UBQLN1: variants seen among roughly 807,000 people sequenced by gnomAD.
UBQLN1 encodes ubiquilin 1.
In UBQLN1, 13 loss-of-function variants were observed where a neutral mutation model predicts 65.4. The ratio of observed to expected loss-of-function variants is 0.20; its 90% CI spans 0.13 to 0.32. The LOEUF (loss-of-function observed/expected upper bound fraction) is 0.32, where lower values mean the gene tolerates loss of function less well. Ranked by LOEUF, UBQLN1 falls within the 10% of genes least tolerant of loss-of-function variation. The pLI is 1.00. For synonymous variants in UBQLN1, 267 were observed against 247.8 expected (o/e 1.08, Z -0.73); for missense variants, 561 against 724.0 (o/e 0.77, Z 2.58).
intron 8 of UBQLN1, 58 bp from the exon 9 acceptor site, chr9:83,665,203 T>G: frequency 2.3e-6 from 3 of 1,303,448 alleles, no homozygotes; most frequent in Non-Finnish European, 3.3e-6. Context: ...AACGTAAATT[T>G]TTAAATCTTT....
Position 83,666,431 on chromosome 9 carries a change from C to A in UBQLN1, c.1251G>T (p.Met417Ile). The A allele has an allele frequency of 6.2e-7, 1 of 1,613,640 alleles. No homozygotes were observed. The highest frequency in any genetic ancestry group is 8.5e-7 in the Non-Finnish European group (1 of 1,179,670). ...LSQNPDLAAQ[M>I]MLNNPLFAGN... ...CAGCAAATAGGGGATTATTCAGCAT[C>A]ATCTATGGGGCAAGTGTTCAAACAA... The change falls in exon 8 of 11, where the codon ATG (methionine) becomes ATT (isoleucine). Residue 417 changes from methionine (M) to isoleucine (I), a missense_variant and splice_region_variant. Met to Ile is a conservative substitution (Grantham distance 10). Coordinates refer to ENST00000376395, the MANE Select transcript of UBQLN1 (RefSeq NM_013438.5).
rs1243468461 is a variant in UBQLN1, at chr9:83,660,121, C to T, written c.*1666G>A. On this transcript the variant is annotated 3_prime_UTR_variant, in exon 11 of 11. Coordinates refer to ENST00000376395, the MANE Select transcript of UBQLN1 (RefSeq NM_013438.5). ...GAAAGAGCAAAGACACATGAATACC[C>T]TTCTTAACAATCTCTTCTACTTATG... is the stretch of plus-strand genomic sequence containing the variant. 6.6e-6 allele frequency: 1 copy of T among 152,314 alleles called. No homozygotes were observed. Among genetic ancestry groups the T allele is most frequent in the Non-Finnish European group, 1.5e-5 (1 of 68,026 alleles). The allele number at this position is 152,314 out of a possible 1,614,324, so 9.4% of individuals were successfully genotyped here.
At chr9:83,693,567 TAAGAG>T (rs1342654530) in intron 1 of UBQLN1, among the ~76,000 whole-genome samples, 1 of 152,134 alleles carries the variant, frequency 6.6e-6, no homozygotes, top group Non-Finnish European at 1.5e-5. Context: ...AGCAAATAAT[TAAGAG>T]AAGTTAGAAA....
At chr9:83,681,924 T>C (rs532581281) in intron 3 of UBQLN1, among the ~76,000 whole-genome samples, 118 of 152,322 alleles carry the variant, frequency 7.7e-4, no homozygotes, top group African/African-American at 2.8e-3. Flanking sequence ...TCTGAGGGAC[T>C]ATATGGATGG....
At chr9:83,700,391 C>T (rs1835377454) in intron 1 of UBQLN1, among the ~76,000 whole-genome samples, 1 of 152,140 alleles carries the variant, frequency 6.6e-6, no homozygotes, top group Non-Finnish European at 1.5e-5. Flanking sequence ...GTAGTTATTA[C>T]TGAATATGTA....
At chr9:83,676,241 T>A (rs1831830217) in intron 6 of UBQLN1, among the ~76,000 whole-genome samples, 1 of 152,254 alleles carries the variant, frequency 6.6e-6, no homozygotes, top group Non-Finnish European at 1.5e-5. Flanking sequence ...CAGAGTAAGT[T>A]CATTCTTGCT....
At chr9:83,673,700 G>T (rs1472264751) in intron 6 of UBQLN1, among the ~76,000 whole-genome samples, 2 of 151,908 alleles carry the variant, frequency 1.3e-5, no homozygotes, top group African/African-American at 4.8e-5. Context: ...CATTTTATTG[G>T]AACAGTCATT....
intron 9 of UBQLN1, 131 bp downstream of exon 9, chr9:83,664,899 G>A (rs10868037): frequency 0.25 from 150,544 of 603,078 alleles, 25,641 homozygotes; most frequent in East Asian, 0.79. Flanking sequence ...TAGCCTAGGC[G>A]AAGGGCGAGA....
At chr9:83,702,858 C>T (rs1187083795) in intron 1 of UBQLN1, among the ~76,000 whole-genome samples, 2 of 152,116 alleles carry the variant, frequency 1.3e-5, no homozygotes, top group Admixed American at 6.5e-5. Context: ...TGACTCAATA[C>T]GTTTAAATTA....
chr9:83,696,893 C>A (rs965514132), intron 1 of UBQLN1, among the ~76,000 whole-genome samples: 4 of 152,162 alleles, frequency 2.6e-5, no homozygotes, highest in African/African-American at 9.7e-5. Context: ...AATCAATGAT[C>A]TGACATAGAC....
intron 6 of UBQLN1, among the ~76,000 whole-genome samples, chr9:83,673,048 G>A (rs1283621771): frequency 6.6e-6 from 1 of 152,182 alleles, no homozygotes; most frequent in Non-Finnish European, 1.5e-5. Context: ...TGGCCAACAT[G>A]GCGAAACCCC....
intron 1 of UBQLN1, among the ~76,000 whole-genome samples, chr9:83,690,598 G>C (rs1347346096): frequency 6.6e-6 from 1 of 152,126 alleles, no homozygotes; most frequent in Non-Finnish European, 1.5e-5. Flanking sequence ...GCTGGGCGTG[G>C]TGGTTCATGA....
At chr9:83,681,928 T>C (rs1336566415) in intron 3 of UBQLN1, among the ~76,000 whole-genome samples, 2 of 152,198 alleles carry the variant, frequency 1.3e-5, no homozygotes, top group Non-Finnish European at 2.9e-5. Context: ...AGGGACTATA[T>C]GGATGGGCAC....
intron 6 of UBQLN1, among the ~76,000 whole-genome samples, chr9:83,671,647 G>A (rs1459302517): frequency 2.0e-5 from 3 of 152,212 alleles, no homozygotes; most frequent in Non-Finnish European, 4.4e-5. Flanking sequence ...GTAAACAGAT[G>A]TGCTGTCATC....
At chr9:83,690,995 A>C (rs1311295880) in intron 1 of UBQLN1, among the ~76,000 whole-genome samples, 2 of 151,780 alleles carry the variant, frequency 1.3e-5, no homozygotes, top group East Asian at 3.9e-4. Context: ...AAAATTAGCC[A>C]GGCATCGTGG....
intron 3 of UBQLN1, among the ~76,000 whole-genome samples, 197 bp downstream of exon 3, chr9:83,682,754 C>T (rs11140212): frequency 0.23 from 35,382 of 151,770 alleles, 5,857 homozygotes; most frequent in East Asian, 0.8. Flanking sequence ...AAAAGAAAGG[C>T]GCCAACTGAT....
At position 83,671,099 on chromosome 9, in the gene UBQLN1, G is replaced by C. The variant is rs781622319; in HGVS notation, c.1106-1772C>G. ...TCCTGCCCGAACCTTCCAAAGTGCC[G>C]TGATTAAAGGTATGAGCCAACACAC... On this transcript the variant is annotated intron_variant, in intron 6 of 10. Transcript: ENST00000376395. 2.0e-5 allele frequency among the ~76,000 whole-genome samples: 3 copies of C among 152,044 alleles called. No homozygotes were observed. In the South Asian group the frequency reaches 6.2e-4, roughly 32 times the overall value.
chr9:83,678,676 C>A, intron 4 of UBQLN1, 77 bp from the exon 5 acceptor site: 5 of 1,433,670 alleles, frequency 3.5e-6, no homozygotes, highest in Non-Finnish European at 2.8e-6. Context: ...ACTTTATTAA[C>A]TGCCATTAAA....
intron 2 of UBQLN1, among the ~76,000 whole-genome samples, chr9:83,684,680 G>T (rs917051464): frequency 6.6e-6 from 1 of 151,884 alleles, no homozygotes; most frequent in Non-Finnish European, 1.5e-5. Context: ...GCGTGGTGGC[G>T]CATGCCTGTA....
Sources: gnomAD v4.1 joint callset for allele counts (sites outside exome capture counted in the v4.1 genomes callset) on GRCh38, gnomAD v4.1.1 for gene constraint, MANE v1.5 for transcripts, NCBI Gene and HGNC (gene_info 2026-07-23, HGNC 2026-07-21) for gene names.